Variants in ATG5 observed in about 807,000 individuals in gnomAD.
ATG5 encodes autophagy related 5, also known as autophagy protein 5.
A neutral mutation model predicts 36.5 loss-of-function variants in ATG5; 14 were observed. The ratio of observed to expected loss-of-function variants is 0.38; its 90% CI spans 0.25 to 0.60. The LOEUF (loss-of-function observed/expected upper bound fraction) is 0.60, where lower values mean the gene tolerates loss of function less well. Among genes scored for constraint, ATG5 ranks in the 20% least tolerant of loss-of-function variants. The pLI, the probability that ATG5 is intolerant of heterozygous loss-of-function variation, is 0.60. For synonymous variants in ATG5, 95 were observed against 101.5 expected (o/e 0.94, Z 0.38); for missense variants, 195 against 326.7 (o/e 0.60, Z 3.11).
intron 7 of ATG5, among the ~76,000 whole-genome samples, chr6:106,194,894 G>C (rs1776115700): frequency 6.6e-6 from 1 of 152,146 alleles, no homozygotes; most frequent in Admixed American, 6.6e-5. Flanking sequence ...AAATGTTCTT[G>C]ATGTGTTATT....
At chr6:106,300,107 T>C (rs1030364269) in intron 3 of ATG5, among the ~76,000 whole-genome samples, 5 of 152,218 alleles carry the variant, frequency 3.3e-5, no homozygotes, top group Non-Finnish European at 7.4e-5. Context: ...ACCACATATA[T>C]AAAATCTATG....
At chr6:106,248,680 A>C (rs1360503277) in intron 5 of ATG5, among the ~76,000 whole-genome samples, 1 of 152,214 alleles carries the variant, frequency 6.6e-6, no homozygotes, top group Non-Finnish European at 1.5e-5. Context: ...CCACGCCTGT[A>C]ATCACAGCAC....
chr6:106,214,169 G>A (rs186945878), intron 6 of ATG5, among the ~76,000 whole-genome samples: 11 of 152,250 alleles, frequency 7.2e-5, no homozygotes, highest in African/African-American at 2.4e-4. Flanking sequence ...ACATCACATG[G>A]TTTTCAAAAG....
At position 106,229,236 on chromosome 6, in the gene ATG5, A is replaced by C. The variant is rs576556562; in HGVS notation, c.573+18914T>G. 2.0e-5 allele frequency among the ~76,000 whole-genome samples: 3 copies of C among 152,378 alleles called. No individual in the cohort carries two copies. In the South Asian group the frequency reaches 6.2e-4, roughly 32 times the overall value. ...TGCTGCGCCCTTAGGCATCTAGGCT[A>C]TAAACCCAGGGAGTCTTGTCCCTGG... On this transcript the variant is annotated intron_variant, in intron 6 of 7. Coordinates refer to ENST00000369076, the MANE Select transcript of ATG5 (RefSeq NM_004849.4).
chr6:106,187,551 A>T (rs1313998829), intron 7 of ATG5, among the ~76,000 whole-genome samples: 2 of 152,162 alleles, frequency 1.3e-5, no homozygotes, highest in African/African-American at 2.4e-5. Flanking sequence ...CTTTAGCACA[A>T]TTCTGGGTTT....
At chr6:106,220,456 A>T (rs1777202790) in intron 6 of ATG5, among the ~76,000 whole-genome samples, 1 of 152,224 alleles carries the variant, frequency 6.6e-6, no homozygotes. Context: ...AATGAGTATG[A>T]TATCCTGATA....
chr6:106,241,604 C>CTA (rs1019045056), intron 6 of ATG5, among the ~76,000 whole-genome samples: 5 of 152,150 alleles, frequency 3.3e-5, no homozygotes, highest in African/African-American at 9.7e-5. Flanking sequence ...CTGGATGCTT[C>CTA]TATATATATG....
chr6:106,285,849 CTT>C (rs887886384), intron 4 of ATG5, among the ~76,000 whole-genome samples: 2 of 152,148 alleles, frequency 1.3e-5, no homozygotes, highest in African/African-American at 2.4e-5. Flanking sequence ...AAAAACTACT[CTT>C]ATATCACAGG....
At chr6:106,311,155 T>C (rs892768613) in intron 2 of ATG5, among the ~76,000 whole-genome samples, 10 of 152,154 alleles carry the variant, frequency 6.6e-5, no homozygotes, top group African/African-American at 2.4e-4. Flanking sequence ...AAGTAAAACA[T>C]ACTAGAATTC....
At chr6:106,270,726 A>C (rs772876005) in intron 5 of ATG5, among the ~76,000 whole-genome samples, 1 of 152,190 alleles carries the variant, frequency 6.6e-6, no homozygotes, top group African/African-American at 2.4e-5. Context: ...TAGACATCTC[A>C]AACTTTTAGC....
intron 6 of ATG5, among the ~76,000 whole-genome samples, chr6:106,227,934 C>T (rs769821065): frequency 6.6e-6 from 1 of 152,076 alleles, no homozygotes; most frequent in Non-Finnish European, 1.5e-5. Flanking sequence ...TCAAACCAGG[C>T]AGCAATGAAT....
At chr6:106,298,191 C>T (rs1770049211) in intron 3 of ATG5, among the ~76,000 whole-genome samples, 1 of 151,904 alleles carries the variant, frequency 6.6e-6, no homozygotes, top group African/African-American at 2.4e-5. Context: ...GAACTTCTGA[C>T]CTCATGATCT....
At chr6:106,208,030 T>G (rs1776704917) in intron 6 of ATG5, among the ~76,000 whole-genome samples, 1 of 152,152 alleles carries the variant, frequency 6.6e-6, no homozygotes, top group African/African-American at 2.4e-5. Flanking sequence ...GGGCGGAGGT[T>G]GCAGTGAGCC....
intron 3 of ATG5, among the ~76,000 whole-genome samples, chr6:106,303,654 C>T (rs889382362): frequency 6.6e-6 from 1 of 152,068 alleles, no homozygotes; most frequent in Non-Finnish European, 1.5e-5. Context: ...AAATCCTCAA[C>T]GAAATATTAT....
intron 6 of ATG5, among the ~76,000 whole-genome samples, chr6:106,216,656 G>A (rs189906998): frequency 3.9e-5 from 6 of 152,250 alleles, no homozygotes; most frequent in Admixed American, 1.3e-4. Context: ...ATTTTATCAC[G>A]GGAATGGTTG....
intron 6 of ATG5, among the ~76,000 whole-genome samples, chr6:106,247,374 G>C (rs1778381614): frequency 6.6e-6 from 1 of 152,128 alleles, no homozygotes; most frequent in South Asian, 2.1e-4. Flanking sequence ...CACTTTTAAA[G>C]TACAGAAACA....
intron 3 of ATG5, chr6:106,304,335 T>A (rs1465407539): frequency 2.0e-5 from 3 of 152,154 alleles, no homozygotes; most frequent in Non-Finnish European, 4.4e-5. Context: ...CAAAATTAAT[T>A]TTTATCTTTT....
At chr6:106,189,437 A>G (rs987022633) in intron 7 of ATG5, among the ~76,000 whole-genome samples, 3 of 151,858 alleles carry the variant, frequency 2.0e-5, no homozygotes, top group Admixed American at 6.6e-5. Context: ...CATCTCTACA[A>G]AAAATAAAAA....
rs576180133 is a variant in ATG5 at position 106,305,356 on chromosome 6, T to C, written c.236+3008A>G. Among the ~76,000 whole-genome samples, 162 of 152,336 alleles carry C rather than the reference T, an allele frequency of 1.1e-3. 1 individual carries two copies. The highest frequency in any genetic ancestry group is 1.9e-3 in the Non-Finnish European group (126 of 68,028). On this transcript the variant is annotated intron_variant, in intron 3 of 7. Transcript: ENST00000369076. ...CAAAGCCCCCGGTACTCTTCATCTA[T>C]GTCCTACCAACAGGAAAATAAAGTC...
Sources: allele counts gnomAD v4.1 joint callset (sites outside exome capture counted in the v4.1 genomes callset), GRCh38; gene constraint gnomAD v4.1.1; transcripts MANE v1.5; gene names NCBI Gene and HGNC (gene_info 2026-07-23, HGNC 2026-07-21).